The following CHRM3 variants were observed in gnomAD, a reference collection of about 807,000 sequenced individuals.
The protein encoded by CHRM3 is cholinergic receptor muscarinic 3, also known as muscarinic acetylcholine receptor M3.
In CHRM3, 11 loss-of-function variants were observed where a neutral mutation model predicts 41.8. The ratio of observed to expected loss-of-function variants is 0.26; its 90% CI spans 0.17 to 0.44. The LOEUF (loss-of-function observed/expected upper bound fraction) is 0.44, where lower values mean the gene tolerates loss of function less well. Ranked by LOEUF, CHRM3 falls within the 20% of genes least tolerant of loss-of-function variation. The pLI is 1.00. For synonymous variants in CHRM3, 297 were observed against 301.4 expected, an observed-to-expected ratio of 0.99 and a Z score of 0.15; for missense variants, 571 against 745.4, an observed-to-expected ratio of 0.77 and a Z score of 2.72.
intron 4 of CHRM3, among the ~76,000 whole-genome samples, chr1:239,652,533 AT>A (rs1208835942): frequency 6.6e-6 from 1 of 151,920 alleles, no homozygotes; most frequent in Non-Finnish European, 1.5e-5. Context: ...GTTTTTTACT[AT>A]TTTTTTCTCT....
chr1:239,848,833 AAACT>A (rs1674479487), intron 6 of CHRM3, among the ~76,000 whole-genome samples: 1 of 152,202 alleles, frequency 6.6e-6, no homozygotes, highest in South Asian at 2.1e-4. Context: ...TTGACTCATT[AAACT>A]AACTATGGTA....
chr1:239,651,325 G>T (rs1428684427), intron 4 of CHRM3, among the ~76,000 whole-genome samples: 1 of 152,192 alleles, frequency 6.6e-6, no homozygotes, highest in African/African-American at 2.4e-5. Context: ...GTGGAGATAG[G>T]ATTGTGTCTT....
At chr1:239,769,011 C>T (rs1335944725) in intron 5 of CHRM3, among the ~76,000 whole-genome samples, 1 of 152,116 alleles carries the variant, frequency 6.6e-6, no homozygotes, top group African/African-American at 2.4e-5. Context: ...GTGATCCACC[C>T]ACCTCGGCCT....
intron 5 of CHRM3, among the ~76,000 whole-genome samples, chr1:239,820,850 C>A (rs1378944264): frequency 6.6e-6 from 1 of 152,042 alleles, no homozygotes; most frequent in Non-Finnish European, 1.5e-5. Flanking sequence ...ATATACCCCC[C>A]AAATTGCAAA....
chr1:239,615,062 G>A (rs955479723), intron 3 of CHRM3, among the ~76,000 whole-genome samples: 5 of 152,092 alleles, frequency 3.3e-5, no homozygotes, highest in African/African-American at 9.7e-5. Flanking sequence ...TTGCAGGTGG[G>A]GCAGATACCC....
In CHRM3 at chr1:239,740,630, C is replaced by G. The variant is rs545483192; in HGVS notation, c.-147+62342C>G. ...GCTCTCCCTCCCCTTGCCCCTCACC[C>G]CCTGACAGGCCCAAGTGTGTGATGC... On this transcript the variant is annotated intron_variant, in intron 5 of 6. Coordinates refer to ENST00000676153, the MANE Select transcript of CHRM3 (RefSeq NM_001375978.1). Among the ~76,000 whole-genome samples the G allele has an allele frequency of 2.2e-4, 33 of 152,214 alleles. 1 individual carries two copies. Among genetic ancestry groups the G allele is most frequent in the African/African-American group, 7.9e-4 (33 of 41,542 alleles).
At chr1:239,450,368 A>C (rs1198083460) in intron 1 of CHRM3, among the ~76,000 whole-genome samples, 2 of 152,176 alleles carry the variant, frequency 1.3e-5, no homozygotes, top group African/African-American at 4.8e-5. Flanking sequence ...CCTCCAAAGA[A>C]CAAACAATAG....
At chr1:239,903,589 A>C (rs1679744425) in intron 6 of CHRM3, among the ~76,000 whole-genome samples, 2 of 152,210 alleles carry the variant, frequency 1.3e-5, no homozygotes, top group South Asian at 4.1e-4. Flanking sequence ...AGGCAAGGTC[A>C]AGGAGGTGGT....
intron 1 of CHRM3, among the ~76,000 whole-genome samples, chr1:239,389,347 C>T (rs1008519507): frequency 7.9e-5 from 12 of 152,066 alleles, no homozygotes; most frequent in Non-Finnish European, 1.3e-4. Context: ...ATTCAGTACC[C>T]TACTTTTATT....
At chr1:239,642,853 G>C (rs761234408) in intron 4 of CHRM3, among the ~76,000 whole-genome samples, 1 of 152,168 alleles carries the variant, frequency 6.6e-6, no homozygotes, top group South Asian at 2.1e-4. Context: ...TGTTTTTAGA[G>C]TTTCCAGTTT....
chr1:239,639,974 G>A (rs1670924461), intron 4 of CHRM3, among the ~76,000 whole-genome samples: 1 of 151,748 alleles, frequency 6.6e-6, no homozygotes, highest in Admixed American at 6.6e-5. Flanking sequence ...GTAGCATGAA[G>A]GGTTGTTGAA....
chr1:239,602,033 C>T (rs1007179462), intron 3 of CHRM3, among the ~76,000 whole-genome samples: 2 of 148,894 alleles, frequency 1.3e-5, no homozygotes, highest in African/African-American at 2.5e-5. Context: ...TCTATATATA[C>T]ACATATATAC....
chr1:239,547,323 T>A (rs1045714330), intron 3 of CHRM3, among the ~76,000 whole-genome samples: 3 of 152,154 alleles, frequency 2.0e-5, no homozygotes, highest in African/African-American at 7.2e-5. Flanking sequence ...GTTTGCACAT[T>A]TGTAGAATGA....
At chr1:239,697,390 T>C (rs1660297099) in intron 5 of CHRM3, among the ~76,000 whole-genome samples, 1 of 152,196 alleles carries the variant, frequency 6.6e-6, no homozygotes, top group Non-Finnish European at 1.5e-5. Flanking sequence ...CTTCCCCAAC[T>C]ACGTGGAAGT....
At chr1:239,897,128 T>C (rs1241683281) in intron 6 of CHRM3, among the ~76,000 whole-genome samples, 1 of 152,208 alleles carries the variant, frequency 6.6e-6, no homozygotes, top group Non-Finnish European at 1.5e-5. Context: ...TGGCCCTGCA[T>C]GCTATGGCAG....
chr1:239,573,764 G>C (rs747197100), intron 3 of CHRM3, among the ~76,000 whole-genome samples: 1 of 152,016 alleles, frequency 6.6e-6, no homozygotes, highest in Non-Finnish European at 1.5e-5. Flanking sequence ...CAAGCATTTT[G>C]TGTGTATATA....
intron 1 of CHRM3, among the ~76,000 whole-genome samples, chr1:239,468,921 C>A (rs1665919701): frequency 6.6e-6 from 1 of 152,066 alleles, no homozygotes; most frequent in South Asian, 2.1e-4. Flanking sequence ...ATTAGCAGAT[C>A]ATTATTAATA....
chr1:239,649,445 G>A (rs758051961), intron 4 of CHRM3, among the ~76,000 whole-genome samples: 3 of 151,580 alleles, frequency 2.0e-5, no homozygotes, highest in South Asian at 2.1e-4. Context: ...TAGAAAAGAC[G>A]TAAGTCTGAT....
At chr1:239,832,793 A>G (rs1673001429) in intron 6 of CHRM3, among the ~76,000 whole-genome samples, 1 of 152,050 alleles carries the variant, frequency 6.6e-6, no homozygotes, top group African/African-American at 2.4e-5. Flanking sequence ...TAATTACTAT[A>G]TTTTGCACGT....
Sources: allele counts gnomAD v4.1 joint callset (sites outside exome capture counted in the v4.1 genomes callset), GRCh38; gene constraint gnomAD v4.1.1; transcripts MANE v1.5; gene names NCBI Gene and HGNC (gene_info 2026-07-23, HGNC 2026-07-21).